MATCAP2: variants seen among roughly 807,000 people sequenced by gnomAD.
MATCAP2 encodes the protein putative tyrosine carboxypeptidase MATCAP2.
the MATCAP2 span, chr7:36,326,217 A>C: frequency 1.3e-5 from 2 of 152,128 alleles, no homozygotes; most frequent in African/African-American, 4.8e-5. Flanking sequence ...TTAATGAAAA[A>C]TTTTCAAATT....
the MATCAP2 span, chr7:36,368,204 TAGG>T: frequency 6.6e-6 from 1 of 152,290 alleles, no homozygotes; most frequent in South Asian, 2.1e-4. Flanking sequence ...GCTTACAGTT[TAGG>T]AGGAGCTGAG....
chr7:36,364,043 C>G, the MATCAP2 span, among the ~76,000 whole-genome samples: 20 of 150,038 alleles, frequency 1.3e-4, no homozygotes, highest in South Asian at 4.2e-4. Context: ...TATAATAAAC[C>G]CTTTTTTTTT....
the MATCAP2 span, chr7:36,335,192 G>T: frequency 6.2e-7 from 1 of 1,612,426 alleles, no homozygotes; most frequent in Non-Finnish European, 8.5e-7. Flanking sequence ...AGGGGCAAGA[G>T]AAAAAGTACA....
chr7:36,383,005 G>C, the MATCAP2 span, among the ~76,000 whole-genome samples: 1 of 152,084 alleles, frequency 6.6e-6, no homozygotes, highest in Non-Finnish European at 1.5e-5. Context: ...ATTGAATAAA[G>C]GACTTATGCC....
chr7:36,374,019 G>A, the MATCAP2 span, among the ~76,000 whole-genome samples: 1 of 152,042 alleles, frequency 6.6e-6, no homozygotes, highest in Non-Finnish European at 1.5e-5. Context: ...TGATCCACCT[G>A]CCTCAGCCTC....
At chr7:36,337,123 A>AAAAAAAAAAAAAAAAAAAC in the MATCAP2 span, among the ~76,000 whole-genome samples, 6 of 145,484 alleles carry the variant, frequency 4.1e-5, no homozygotes, top group African/African-American at 7.5e-5. Context: ...AAAAAAAAAA[A>AAAAAAAAAAAAAAAAAAAC]AAGCAATCAG....
At chr7:36,366,796 G>C in the MATCAP2 span, 5 of 1,533,272 alleles carry the variant, frequency 3.3e-6, no homozygotes, top group Non-Finnish European at 4.4e-6. Context: ...AAGGGGTCGG[G>C]GCGCAGGGTG....
chr7:36,388,019 G>A, the MATCAP2 span, among the ~76,000 whole-genome samples: 4 of 152,056 alleles, frequency 2.6e-5, no homozygotes, highest in South Asian at 2.1e-4. Flanking sequence ...CTACACACTC[G>A]GACAGTGTCT....
chr7:36,389,861 C>T, the MATCAP2 span: 11 of 1,275,274 alleles, frequency 8.6e-6, no homozygotes, highest in East Asian at 2.4e-5. Context: ...CTGCAGAGGC[C>T]GAGTCCGTCA....
chr7:36,329,108 GGTTTTTAAA>G, the MATCAP2 span, among the ~76,000 whole-genome samples: 43 of 151,860 alleles, frequency 2.8e-4, no homozygotes, highest in African/African-American at 1.0e-3. Flanking sequence ...ATTTTATGAA[GGTTTTTAAA>G]GTTTTACTAT....
the MATCAP2 span, among the ~76,000 whole-genome samples, chr7:36,346,972 G>T: frequency 2.2e-4 from 34 of 152,192 alleles, no homozygotes; most frequent in African/African-American, 8.2e-4. Context: ...TGTTGGTCAG[G>T]CTGGTCTCAA....
chr7:36,331,199 A>ATTTATT, the MATCAP2 span: 5 of 575,006 alleles, frequency 8.7e-6, no homozygotes, highest in South Asian at 1.3e-4. Flanking sequence ...GTTTGCCAAC[A>ATTTATT]TTTATTTTTA....
At chr7:36,336,344 T>G in the MATCAP2 span, 4 of 1,336,376 alleles carry the variant, frequency 3.0e-6, no homozygotes, top group African/African-American at 4.4e-5. Context: ...TCATATTACT[T>G]TGAGATGTCA....
chr7:36,346,652 A>C, the MATCAP2 span, among the ~76,000 whole-genome samples: 1 of 152,222 alleles, frequency 6.6e-6, no homozygotes, highest in Admixed American at 6.5e-5. Flanking sequence ...ACGATTGCTA[A>C]TGGGTACAGT....
chr7:36,362,092 A>T, the MATCAP2 span, among the ~76,000 whole-genome samples: 1 of 152,250 alleles, frequency 6.6e-6, no homozygotes, highest in African/African-American at 2.4e-5. Flanking sequence ...GTACAAAGTC[A>T]TTGGGCTGCA....
chr7:36,326,094 T>C, the MATCAP2 span: 1 of 152,012 alleles, frequency 6.6e-6, no homozygotes, highest in African/African-American at 2.4e-5. Context: ...AAGGGTACAA[T>C]ATGTTTCAGC....
the MATCAP2 span, among the ~76,000 whole-genome samples, chr7:36,385,591 C>T: frequency 6.6e-6 from 1 of 151,942 alleles, no homozygotes; most frequent in Non-Finnish European, 1.5e-5. Flanking sequence ...TGGAGACCAG[C>T]CTGGGCAACA....
chr7:36,353,306 G>A, the MATCAP2 span, among the ~76,000 whole-genome samples: 1 of 152,168 alleles, frequency 6.6e-6, no homozygotes, highest in Non-Finnish European at 1.5e-5. Context: ...GTCTTTTGGT[G>A]ACAGGGCTAA....
the MATCAP2 span, among the ~76,000 whole-genome samples, chr7:36,359,169 C>T: frequency 2.6e-5 from 4 of 152,268 alleles, no homozygotes; most frequent in East Asian, 7.7e-4. Flanking sequence ...GACCCTAAAC[C>T]AGTAGTTCTT....
Sources: allele counts gnomAD v4.1 joint callset (sites outside exome capture counted in the v4.1 genomes callset), GRCh38; gene constraint gnomAD v4.1.1; transcripts MANE v1.5; gene names NCBI Gene and HGNC (gene_info 2026-07-23, HGNC 2026-07-21).